The following SORBS2 variants were observed in gnomAD, a reference collection of about 807,000 sequenced individuals.
The protein encoded by SORBS2 is sorbin and SH3 domain-containing protein 2.
A neutral mutation model predicts 97.7 loss-of-function variants in SORBS2; 46 were observed. That is an observed-to-expected ratio of 0.47 (90% CI 0.37 to 0.60). The LOEUF is 0.60. Among genes scored for constraint, SORBS2 ranks in the 20% least tolerant of loss-of-function variants. The pLI is 0.00. For missense variants in SORBS2, 1,316 were observed against 1,282.3 expected, an observed-to-expected ratio of 1.03 and a Z score of -0.40; for synonymous variants, 476 against 473.4, an observed-to-expected ratio of 1.01 and a Z score of -0.07.
chr4:185,953,010 T>C (rs866262278), intron 1 of SORBS2, among the ~76,000 whole-genome samples: 10 of 152,116 alleles, frequency 6.6e-5, no homozygotes, highest in East Asian at 1.9e-4. Context: ...TTAAGTTATG[T>C]TGGTCTCTTC....
chr4:185,788,240 T>C (rs766449069), intron 1 of SORBS2, among the ~76,000 whole-genome samples: 1 of 152,216 alleles, frequency 6.6e-6, no homozygotes, highest in African/African-American at 2.4e-5. Flanking sequence ...GTAGCATCAA[T>C]GGAGCAACAG....
chr4:185,876,688 T>G (rs1178730820), intron 1 of SORBS2, among the ~76,000 whole-genome samples: 1 of 152,254 alleles, frequency 6.6e-6, no homozygotes, highest in Non-Finnish European at 1.5e-5. Flanking sequence ...TTTCTGCCCA[T>G]GTGTCTTATG....
rs576449868 is a variant in SORBS2, at chr4:185,916,436, AC to A, written c.-338+39759del. On this transcript the variant is annotated intron_variant, in intron 1 of 20. Coordinates refer to the SORBS2 transcript ENST00000284776. ...CCACAGTTGCTTTTGAGTGCAAACCACCCAGTCACCTGCCTGTGAAGCATAG... is the reference window on the plus strand; with the variant it reads ...CCACAGTTGCTTTTGAGTGCAAACCACCAGTCACCTGCCTGTGAAGCATAG... Among the ~76,000 whole-genome samples, 9 of 152,312 alleles carry A rather than the reference AC, an allele frequency of 5.9e-5. No individual in the cohort carries two copies. In the East Asian group the frequency reaches 1.7e-3, roughly 29 times the overall value.
chr4:185,868,155 C>CTTTTTTTTTTTTTTTTTTTTTTTTTTT (rs1431293135), intron 1 of SORBS2, among the ~76,000 whole-genome samples: 5 of 100,716 alleles, frequency 5.0e-5, no homozygotes, highest in Admixed American at 1.1e-4. Context: ...TTCTTTTTTT[C>CTTTTTTTTTTTTTTTTTTTTTTTTTTT]TTTCTTTTTT....
intron 1 of SORBS2, among the ~76,000 whole-genome samples, chr4:185,822,185 G>A (rs968358836): frequency 1.3e-5 from 2 of 152,212 alleles, no homozygotes; most frequent in Admixed American, 1.3e-4. Flanking sequence ...GCAGTATTCA[G>A]CTCTTCTGAA....
chr4:185,630,999 T>G (rs1281304563), intron 4 of SORBS2, among the ~76,000 whole-genome samples: 1 of 152,240 alleles, frequency 6.6e-6, no homozygotes, highest in Non-Finnish European at 1.5e-5. Flanking sequence ...TTTAAAAAAT[T>G]TGTAGTCATC....
At chr4:185,943,002 C>T (rs1161108426) in intron 1 of SORBS2, among the ~76,000 whole-genome samples, 1 of 152,166 alleles carries the variant, frequency 6.6e-6, no homozygotes, top group African/African-American at 2.4e-5. Context: ...AAAATAAATT[C>T]CACAGATAAT....
intron 4 of SORBS2, among the ~76,000 whole-genome samples, chr4:185,673,977 C>G (rs930052009): frequency 2.0e-5 from 3 of 152,166 alleles, no homozygotes; most frequent in African/African-American, 7.2e-5. Flanking sequence ...TCCTCCACTG[C>G]TTCTTCCTCT....
chr4:185,807,044 A>G (rs562816641), intron 1 of SORBS2, among the ~76,000 whole-genome samples: 83 of 152,360 alleles, frequency 5.4e-4, no homozygotes, highest in African/African-American at 1.8e-3. Flanking sequence ...CTGGGAAAAC[A>G]TCTCAGAGGG....
At chr4:185,727,160 T>C (rs2098558956) in intron 2 of SORBS2, among the ~76,000 whole-genome samples, 1 of 152,218 alleles carries the variant, frequency 6.6e-6, no homozygotes, top group African/African-American at 2.4e-5. Context: ...TTTCCATGGC[T>C]ACTAAACGAG....
chr4:185,684,803 C>T lies in SORBS2; in HGVS notation c.-197-5981G>A, dbSNP rs1364401045. The T allele has an allele frequency of 1.4e-5, 22 of 1,551,946 alleles. No individual in the cohort carries two copies. The highest frequency in any genetic ancestry group is 7.8e-5 in the Admixed American group (4 of 50,998). On this transcript the variant is annotated intron_variant, in intron 2 of 20. Transcript: ENST00000284776. The surrounding 1 kb of genome is among the most constrained non-coding windows in gnomAD (Gnocchi z 4.2). ...TTTGCACTCTCTTCACAGATGTTAG[C>T]GTAACAGACATGGCGGCACGTTTGC... is the stretch of plus-strand genomic sequence containing the variant.
chr4:185,953,824 CAT>C (rs1446219041), intron 1 of SORBS2, among the ~76,000 whole-genome samples: 1 of 152,230 alleles, frequency 6.6e-6, no homozygotes, highest in African/African-American at 2.4e-5. Flanking sequence ...TTGCAACTCT[CAT>C]AAGCTGCCCA....
intron 2 of SORBS2, among the ~76,000 whole-genome samples, chr4:185,701,502 C>T (rs753210757): frequency 5.3e-5 from 8 of 152,154 alleles, no homozygotes; most frequent in Non-Finnish European, 7.3e-5. Flanking sequence ...TATAATGGAG[C>T]GTAAAAGCAC....
intron 1 of SORBS2, among the ~76,000 whole-genome samples, chr4:185,929,559 C>T (rs2099265423): frequency 6.9e-6 from 1 of 144,990 alleles, no homozygotes; most frequent in South Asian, 2.2e-4. Context: ...GACAGAGTCT[C>T]ACTCTGTTGC....
chr4:185,649,529 A>T (rs200505556), exon 3 of SORBS2: 1 of 1,601,426 alleles, frequency 6.2e-7, no homozygotes, highest in Non-Finnish European at 8.5e-7. Context: ...CATGTGGGGG[A>T]GGCACTGGGG....
chr4:185,654,459 A>G (rs2097363500), intron 1 of SORBS2, among the ~76,000 whole-genome samples: 1 of 152,216 alleles, frequency 6.6e-6, no homozygotes, highest in African/African-American at 2.4e-5. Context: ...GTATATGGCA[A>G]TACATGTTGA....
rs565112445 is a variant in SORBS2, at chr4:185,648,500, T to C, written c.281+967A>G. Among the ~76,000 whole-genome samples, 748 of 148,872 alleles carry C rather than the reference T, an allele frequency of 5.0e-3. 5 individuals carry two copies. Among genetic ancestry groups the C allele is most frequent in the African/African-American group, 0.018 (716 of 40,774 alleles). Reference sequence around the variant, plus strand: ...AGACTCCATTTAAAAAAAAAAAAAGTGCTGGGACTACAGGCATGAGCCACC... The same window carrying C: ...AGACTCCATTTAAAAAAAAAAAAAGCGCTGGGACTACAGGCATGAGCCACC... On this transcript the variant is annotated intron_variant, in intron 3 of 14. Coordinates refer to ENST00000418609, the Ensembl canonical transcript of SORBS2.
At chr4:185,627,686 C>T (rs2096839111) in intron 5 of SORBS2, among the ~76,000 whole-genome samples, 1 of 152,124 alleles carries the variant, frequency 6.6e-6, no homozygotes, top group Admixed American at 6.5e-5. Context: ...GTCGTCACCC[C>T]AAGTCCATAG....
intron 1 of SORBS2, among the ~76,000 whole-genome samples, chr4:185,832,102 A>G (rs2099205470): frequency 6.6e-6 from 1 of 152,220 alleles, no homozygotes; most frequent in South Asian, 2.1e-4. Flanking sequence ...TTCTTTGAAT[A>G]TTAACACTTG....
Sources: allele counts gnomAD v4.1 joint callset (sites outside exome capture counted in the v4.1 genomes callset), GRCh38; gene constraint gnomAD v4.1.1; non-coding constraint Gnocchi (gnomAD v3.1); transcripts MANE v1.5; gene names NCBI Gene and HGNC (gene_info 2026-07-23, HGNC 2026-07-21).